PCDHGB6: variants seen among roughly 807,000 people sequenced by gnomAD.
PCDHGB6 encodes the protein protocadherin gamma-B6.
A neutral mutation model predicts 59.1 loss-of-function variants in PCDHGB6; 51 were observed. The ratio of observed to expected loss-of-function variants is 0.86; its 90% CI spans 0.69 to 1.09. The LOEUF (loss-of-function observed/expected upper bound fraction) is 1.09. Among genes scored for constraint, PCDHGB6 ranks in the 50% least tolerant of loss-of-function variants. PCDHGB6 has a pLI of 0.00. For missense variants in PCDHGB6, 1,148 were observed against 1,205.1 expected, an observed-to-expected ratio of 0.95 and a Z score of 0.70; for synonymous variants, 466 against 495.1, an observed-to-expected ratio of 0.94 and a Z score of 0.78.
Position 141,464,279 on chromosome 5 carries a change from CA to C in PCDHGB6, c.2419-30517del, listed in dbSNP as rs373828487. Among the ~76,000 whole-genome samples, 143 of 137,732 alleles carry C rather than the reference CA, an allele frequency of 1.0e-3. 2 individuals are homozygous for C. The Middle Eastern group carries it at 0.015, about 15-fold the overall frequency. 90.4% of individuals were successfully genotyped at this position (137,732 alleles called of 152,430 possible). A position where few individuals can be genotyped will look rare whatever the true frequency, so the allele number is the denominator to read the frequency against. The stretch of plus-strand genomic sequence containing the variant: ...GACTCCGTCTAAAAAAAAAAAAAAG[CA>C]AAAAAAAAAACTCCATTGTATGTGC... On this transcript the variant is annotated intron_variant, in intron 1 of 3. Transcript: ENST00000520790.
chr5:141,413,686 C>T, intron 1 of PCDHGB6: 4 of 1,613,812 alleles, frequency 2.5e-6, no homozygotes, highest in Non-Finnish European at 3.4e-6. Context: ...CGTGAACTCC[C>T]TGCAGAGCTA....
chr5:141,421,201 C>A, intron 1 of PCDHGB6: 3 of 1,518,204 alleles, frequency 2.0e-6, no homozygotes, highest in Non-Finnish European at 2.6e-6. Context: ...GCTCGAGAAA[C>A]CGCGGAATAT....
At chr5:141,442,472 C>A (rs1032989256) in intron 1 of PCDHGB6, 4 of 152,204 alleles carry the variant, frequency 2.6e-5, no homozygotes, top group African/African-American at 9.7e-5. Flanking sequence ...GCAGAAAGCC[C>A]CTTGGGGAAG....
intron 2 of PCDHGB6, among the ~76,000 whole-genome samples, chr5:141,498,976 GGAAGGAAGGAAGGAA>G (rs1562186940): frequency 1.5e-4 from 2 of 13,010 alleles, no homozygotes; most frequent in Admixed American, 2.9e-3. Context: ...AGGGAGGGAA[GGAAGGAAGGAAGGAA>G]GGAAGGAAGG....
intron 1 of PCDHGB6, among the ~76,000 whole-genome samples, chr5:141,438,252 G>A (rs1181991674): frequency 6.6e-6 from 1 of 152,072 alleles, no homozygotes. Context: ...AACTGTCATT[G>A]AAGAGACCAT....
intron 1 of PCDHGB6, chr5:141,427,456 G>C (rs1172525843): frequency 2.0e-6 from 1 of 492,524 alleles, no homozygotes; most frequent in African/African-American, 1.9e-5. Flanking sequence ...GTTCCTTTTA[G>C]AATCGAATCT....
At chr5:141,425,606 G>A (rs1419859039) in intron 1 of PCDHGB6, among the ~76,000 whole-genome samples, 1 of 152,156 alleles carries the variant, frequency 6.6e-6, no homozygotes, top group Non-Finnish European at 1.5e-5. Context: ...GCCCTATATA[G>A]CTTTCAGTGC....
intron 1 of PCDHGB6, among the ~76,000 whole-genome samples, chr5:141,470,417 T>A (rs1482173610): frequency 6.6e-6 from 1 of 152,226 alleles, no homozygotes; most frequent in East Asian, 1.9e-4. Context: ...ATTTTATGTA[T>A]TTTTTCCTTG....
chr5:141,427,955 G>A (rs749241312), intron 1 of PCDHGB6: 1 of 1,587,202 alleles, frequency 6.3e-7, no homozygotes, highest in Non-Finnish European at 8.6e-7. Context: ...ATGACAATGT[G>A]CCGCGGGTGC....
intron 1 of PCDHGB6, among the ~76,000 whole-genome samples, chr5:141,452,760 G>A (rs920853226): frequency 3.3e-5 from 5 of 152,120 alleles, no homozygotes; most frequent in Non-Finnish European, 7.4e-5. Context: ...AAGGAAGGGA[G>A]GGAGGGAAAA....
At position 141,487,565 on chromosome 5, in the gene PCDHGB6, G is replaced by A. The variant is rs1473034794; in HGVS notation, c.2419-7242G>A. ...GTCACCCAGTGCACCTATGGCAGGGGAGCCTGTTCGCCCAAGCTGCCCACC... is the reference window on the plus strand; with the variant it reads ...GTCACCCAGTGCACCTATGGCAGGGAAGCCTGTTCGCCCAAGCTGCCCACC... On this transcript the variant is annotated intron_variant, in intron 1 of 3. Transcript: ENST00000520790. This position sits in a 1 kb window ranked among gnomAD's most constrained non-coding sequence, Gnocchi z 5.0. The A allele has an allele frequency of 6.2e-7, 1 of 1,614,164 alleles. No individual in the cohort carries two copies. Among genetic ancestry groups the A allele is most frequent in the East Asian group, 2.2e-5 (1 of 44,856 alleles).
Position 141,477,919 on chromosome 5 carries a change from G to A in PCDHGB6, c.2419-16888G>A. 2.5e-6 allele frequency: 4 copies of A among 1,614,162 alleles called. No individual in the cohort carries two copies. The highest frequency in any genetic ancestry group is 8.5e-7 in the Non-Finnish European group (1 of 1,180,026). The stretch of plus-strand genomic sequence containing the variant: ...TGGTAGGCTGGGACGCGGATGCAGG[G>A]CACAATGCCTGGCTCTCCTACAGTC... On this transcript the variant is annotated intron_variant, in intron 1 of 3. Transcript: ENST00000520790. The surrounding 1 kb of genome is among the most constrained non-coding windows in gnomAD (Gnocchi z 4.9).
chr5:141,494,198 C>T (rs1383940298), intron 1 of PCDHGB6, among the ~76,000 whole-genome samples: 8 of 152,158 alleles, frequency 5.3e-5, no homozygotes, highest in African/African-American at 1.7e-4. Context: ...TTGGATGCCC[C>T]GCAAAGGCCC....
At chr5:141,482,366 AT>A (rs1425349819) in intron 1 of PCDHGB6, among the ~76,000 whole-genome samples, 1 of 152,150 alleles carries the variant, frequency 6.6e-6, no homozygotes, top group Non-Finnish European at 1.5e-5. Flanking sequence ...GTGAAAAGTA[AT>A]GCATATAAAG....
At chr5:141,421,489 G>T (rs754141447) in intron 1 of PCDHGB6, 9 of 1,614,094 alleles carry the variant, frequency 5.6e-6, no homozygotes, top group Non-Finnish European at 7.6e-6. Context: ...CTTGATCACG[G>T]CAGGCAGGAT....
In PCDHGB6 at chr5:141,410,110, C is replaced by A. The variant is rs1361292941; in HGVS notation, c.1908C>A (p.Asp636Glu). ...CGGCTCGAGCCTTAGGCGACAGGGA[C>A]GCAGCCCGCCAGCGCCTGCTGGTCG... is the stretch of plus-strand genomic sequence containing the variant. ...VRTARALGDR[D>E]AARQRLLVAV... The change falls in exon 1 of 4, where the codon GAC (aspartate) becomes GAA (glutamate). Residue 636 changes from aspartate to glutamate, a missense_variant. This residue lies in a region of PCDHGB6 where 549 missense variants were observed against 527.5 expected (regional missense o/e 1.04). Transcript: ENST00000520790. 1 of 1,612,540 alleles carries A rather than the reference C, an allele frequency of 6.2e-7. No individual in the cohort carries two copies. Among genetic ancestry groups the A allele is most frequent in the Admixed American group, 1.7e-5 (1 of 59,948 alleles).
chr5:141,408,392 C>G lies in PCDHGB6; in HGVS notation c.190C>G (p.Arg64Gly). ...GCTCAGTGTCCTGGATGTGTCGGCT[C>G]GCAAGCTGCGAGTGAGCGCGGAGAA... ...LGLSVLDVSA[R>G]KLRVSAEKLH... Residue 64 changes from arginine to glycine, a missense_variant, in exon 1 of 4, where the codon CGC becomes GGC. Physicochemically the swap from Arg to Gly is moderately radical, Grantham distance 125. Transcript: ENST00000520790. The G allele has an allele frequency of 6.2e-7, 1 of 1,614,002 alleles. No individual in the cohort carries two copies. The highest frequency in any genetic ancestry group is 1.1e-5 in the South Asian group (1 of 91,084).
chr5:141,493,908 G>A lies in PCDHGB6; in HGVS notation c.2419-899G>A, dbSNP rs1308946115. ...CTAGGAGTGCTCCATGAGAGTGTGT[G>A]ATGGGATAACACACCCCCTGGAAAG... On this transcript the variant is annotated intron_variant, in intron 1 of 3. Transcript: ENST00000520790. This position sits in a 1 kb window ranked among gnomAD's most constrained non-coding sequence, Gnocchi z 4.3. Among the ~76,000 whole-genome samples the A allele has an allele frequency of 6.6e-6, 1 of 152,208 alleles. No homozygotes were observed. The highest frequency in any genetic ancestry group is 1.5e-5 in the Non-Finnish European group (1 of 68,032).
intron 1 of PCDHGB6, 110 bp from the exon 2 acceptor site, chr5:141,494,697 T>C: frequency 6.3e-7 from 1 of 1,590,934 alleles, no homozygotes; most frequent in Non-Finnish European, 8.6e-7. Flanking sequence ...TAGTCCGTTT[T>C]CTTCTCTGTG....
Sources: gnomAD v4.1 joint callset for allele counts (sites outside exome capture counted in the v4.1 genomes callset) on GRCh38, gnomAD v4.1.1 for gene constraint, gnomAD v4.1.1 regional missense constraint, Gnocchi (gnomAD v3.1) non-coding constraint, MANE v1.5 for transcripts, NCBI Gene and HGNC (gene_info 2026-07-23, HGNC 2026-07-21) for gene names.